Variants in MYL4 observed in about 807,000 individuals in gnomAD.
The protein encoded by MYL4 is myosin light chain 4, also known as atrial myosin light chain 1.
Under a neutral mutation model 21.6 loss-of-function variants are expected in MYL4, and 16 were observed. The ratio of observed to expected loss-of-function variants is 0.74; its 90% CI spans 0.50 to 1.12. The LOEUF (loss-of-function observed/expected upper bound fraction) is 1.12. MYL4 is among the 50% of genes most tolerant of loss of function. The pLI, the probability that MYL4 is intolerant of heterozygous loss-of-function variation, is 0.00. For synonymous variants in MYL4, 82 were observed against 95.7 expected (o/e 0.86, Z 0.83); for missense variants, 249 against 252.9 (o/e 0.98, Z 0.11).
intron 2 of MYL4, among the ~76,000 whole-genome samples, chr17:47,219,248 C>T (rs919443804): frequency 6.6e-6 from 1 of 152,222 alleles, no homozygotes; most frequent in Admixed American, 6.5e-5. Context: ...TAAAGTGCTT[C>T]CACACACTGC....
At chr17:47,198,585 C>T (rs2064697978), upstream of MYL4, among the ~76,000 whole-genome samples, 1 of 152,144 alleles carries the variant, frequency 6.6e-6, no homozygotes. Flanking sequence ...CTTGAATAGA[C>T]TTTGTTTTTG....
At chr17:47,223,876 G>A (rs915615785), downstream of MYL4, among the ~76,000 whole-genome samples, 2 of 152,156 alleles carry the variant, frequency 1.3e-5, no homozygotes, top group Admixed American at 6.5e-5. Flanking sequence ...AGACCCAGGA[G>A]AGCAAGCTCT....
chr17:47,198,689 T>A (rs114743790), upstream of MYL4, among the ~76,000 whole-genome samples: 985 of 152,212 alleles, frequency 6.5e-3, 20 homozygotes, highest in African/African-American at 0.023. Flanking sequence ...AAAGGTTAAT[T>A]GAAAACGTGA....
chr17:47,207,700 G>C (rs976762067), upstream of MYL4, among the ~76,000 whole-genome samples: 1 of 152,180 alleles, frequency 6.6e-6, no homozygotes, highest in Non-Finnish European at 1.5e-5. Flanking sequence ...GCACAAAGCA[G>C]TTTTGTGTAG....
At position 47,213,601 on chromosome 17, in the gene MYL4, T is replaced by C. The variant is rs181640712; in HGVS notation, c.136-198T>C. On this transcript the variant is annotated intron_variant, in intron 1 of 6. Transcript: ENST00000393450. Reference sequence around the variant, plus strand: ...CTGGGGAGGAGGGCCGACGGTATTTTATAGCCTGTCAGTTGTGGCTCATTC... The same window carrying C: ...CTGGGGAGGAGGGCCGACGGTATTTCATAGCCTGTCAGTTGTGGCTCATTC... 2.4e-3 allele frequency among the ~76,000 whole-genome samples: 365 copies of C among 152,340 alleles called. 2 individuals are homozygous for C. Among genetic ancestry groups the C allele is most frequent in the Non-Finnish European group, 4.0e-3 (275 of 68,028 alleles).
At chr17:47,195,650 T>G (rs962022414), upstream of MYL4, among the ~76,000 whole-genome samples, 2 of 152,226 alleles carry the variant, frequency 1.3e-5, no homozygotes, top group Non-Finnish European at 2.9e-5. Flanking sequence ...TCACAGGCTT[T>G]GCATGTACTG....
At chr17:47,223,748 T>G (rs1447891095), downstream of MYL4, 2 of 152,080 alleles carry the variant, frequency 1.3e-5, no homozygotes, top group Non-Finnish European at 2.9e-5. Flanking sequence ...TGTGTGTGTG[T>G]GTGTGAGAGA....
chr17:47,191,291 A>T, the MYL4 span, among the ~76,000 whole-genome samples: 3 of 152,214 alleles, frequency 2.0e-5, no homozygotes, highest in Non-Finnish European at 4.4e-5. Context: ...CTACCACGCT[A>T]GATATGAGAT....
intron 1 of MYL4, among the ~76,000 whole-genome samples, chr17:47,211,179 C>A (rs923498102): frequency 2.0e-5 from 3 of 152,100 alleles, no homozygotes; most frequent in Non-Finnish European, 4.4e-5. Context: ...AAATAGGTAT[C>A]TTTTATGAGA....
chr17:47,216,497 T>C (rs1233751825), intron 2 of MYL4, among the ~76,000 whole-genome samples: 4 of 152,118 alleles, frequency 2.6e-5, no homozygotes, highest in Non-Finnish European at 4.4e-5. Flanking sequence ...AAGTCATATC[T>C]ACATTGGCTT....
At chr17:47,212,480 C>T (rs975402680) in intron 1 of MYL4, among the ~76,000 whole-genome samples, 3 of 152,188 alleles carry the variant, frequency 2.0e-5, no homozygotes, top group Non-Finnish European at 2.9e-5. Flanking sequence ...AATTAGGAAG[C>T]GTGGAGGGCC....
Position 47,221,670 on chromosome 17 carries a change from G to T in MYL4, c.314-12G>T, listed in dbSNP as rs2149048605. ...ACATTGATTTCTCTTTCTTTACCCT[G>T]CCTGCCTGAAGAGATGAATGTCAAG... On this transcript the variant is annotated splice_polypyrimidine_tract_variant and intron_variant, in intron 3 of 6. Transcript: ENST00000393450. The T allele has an allele frequency of 1.2e-6, 2 of 1,608,418 alleles. No homozygotes were observed. The highest frequency in any genetic ancestry group is 1.1e-5 in the South Asian group (1 of 90,432).
At chr17:47,210,153 G>A (rs1052283830) in intron 1 of MYL4, among the ~76,000 whole-genome samples, 1 of 152,158 alleles carries the variant, frequency 6.6e-6, no homozygotes, top group African/African-American at 2.4e-5. Flanking sequence ...CTTTCCTTCT[G>A]TGGCCTTAGC....
chr17:47,220,494 T>C (rs1291920187), intron 3 of MYL4, among the ~76,000 whole-genome samples: 1 of 152,260 alleles, frequency 6.6e-6, no homozygotes, highest in Non-Finnish European at 1.5e-5. Flanking sequence ...GTTAGAGTAC[T>C]GACGTTTGCA....
chr17:47,190,613 C>T, the MYL4 span, among the ~76,000 whole-genome samples: 2 of 152,098 alleles, frequency 1.3e-5, no homozygotes, highest in Admixed American at 6.5e-5. Context: ...CCTTCTCCAC[C>T]GCCTTGTCTT....
chr17:47,206,985 A>G (rs143092060), upstream of MYL4, among the ~76,000 whole-genome samples: 394 of 152,152 alleles, frequency 2.6e-3, 4 homozygotes, highest in African/African-American at 8.9e-3. Context: ...CCTGTGGGGA[A>G]TGGGGTAGGT....
At chr17:47,225,003 A>G (rs1030747594), downstream of MYL4, among the ~76,000 whole-genome samples, 1 of 152,226 alleles carries the variant, frequency 6.6e-6, no homozygotes. Context: ...AAATATTTAT[A>G]TGGGAGCACA....
At chr17:47,217,530 A>G (rs912016665) in intron 2 of MYL4, among the ~76,000 whole-genome samples, 4 of 152,218 alleles carry the variant, frequency 2.6e-5, no homozygotes, top group African/African-American at 9.6e-5. Flanking sequence ...CAAAGCAGGA[A>G]ACCAAAGTTC....
chr17:47,216,292 T>C (rs1428123838), intron 2 of MYL4, among the ~76,000 whole-genome samples: 3 of 142,830 alleles, frequency 2.1e-5, no homozygotes, highest in Non-Finnish European at 4.5e-5. Context: ...CTCTAATACC[T>C]GAAGTTCACA....
Sources: gnomAD v4.1 joint callset for allele counts (sites outside exome capture counted in the v4.1 genomes callset) on GRCh38, gnomAD v4.1.1 for gene constraint, MANE v1.5 for transcripts, NCBI Gene and HGNC (gene_info 2026-07-23, HGNC 2026-07-21) for gene names.